Variants in PCMT1 observed in about 807,000 individuals in gnomAD.
The protein encoded by PCMT1 is protein-L-isoaspartate(D-aspartate) O-methyltransferase.
In PCMT1, 9 loss-of-function variants were observed where a neutral mutation model predicts 29.2. The ratio of observed to expected loss-of-function variants is 0.31; its 90% confidence interval spans 0.19 to 0.54. PCMT1 has a LOEUF of 0.54. Ranked by LOEUF, PCMT1 falls within the 20% of genes least tolerant of loss-of-function variation. The pLI, the probability that PCMT1 is intolerant of heterozygous loss-of-function variation, is 0.95. For synonymous variants in PCMT1, 98 were observed against 97.5 expected, an observed-to-expected ratio of 1.00 and a Z score of -0.03; for missense variants, 184 against 282.2, an observed-to-expected ratio of 0.65 and a Z score of 2.49.
At chr6:149,754,108 T>G (rs995552586) in intron 1 of PCMT1, among the ~76,000 whole-genome samples, 28 of 152,358 alleles carry the variant, frequency 1.8e-4, no homozygotes, top group Admixed American at 1.6e-3. Flanking sequence ...AGTCTTGCCC[T>G]ATAGAGTGCT....
Position 149,802,321 on chromosome 6 carries a change from T to A in PCMT1, c.626T>A (p.Met209Lys). 1 of 1,613,684 alleles carries A rather than the reference T, an allele frequency of 6.2e-7. No individual in the cohort carries two copies. Among genetic ancestry groups the A allele is most frequent in the Non-Finnish European group, 8.5e-7 (1 of 1,179,736 alleles). ...GGCAGCATCAAAATGAAGCCTCTGA[T>A]GGGGGTGATATACGTGCCTTTAACA... ...QDGSIKMKPL[M>K]GVIYVPLTDK... Residue 209 changes from methionine to lysine, a missense_variant, in exon 7 of 8, where the codon ATG becomes AAG. Transcript: ENST00000464889.
At position 149,758,983 on chromosome 6, in the gene PCMT1, TCTC is replaced by T. The variant is rs72001648; in HGVS notation, c.55+9030_55+9032del. On this transcript the variant is annotated intron_variant, in intron 1 of 7. Coordinates refer to ENST00000464889, the MANE Select transcript of PCMT1 (RefSeq NM_001360452.2). Reference sequence around the variant, plus strand: ...CCTCCACCTTGTGGGTTCAAGTGATTCTCCTACCTCAGCCTCCCGAATAGCTGG... The same window carrying T: ...CCTCCACCTTGTGGGTTCAAGTGATTCTACCTCAGCCTCCCGAATAGCTGG... Among the ~76,000 whole-genome samples, 1,368 of 152,264 alleles carry T rather than the reference TCTC, an allele frequency of 9.0e-3. 21 individuals carry two copies. The highest frequency in any genetic ancestry group is 0.032 in the African/African-American group (1,315 of 41,544).
rs1209712068 is a variant in PCMT1 at position 149,809,258 on chromosome 6, CAAAAAAAAAA to C, written c.*38-1344_*38-1335del. Among the ~76,000 whole-genome samples, 20 of 47,092 alleles carry C rather than the reference CAAAAAAAAAA, an allele frequency of 4.2e-4. 1 individual carries two copies. Among genetic ancestry groups the C allele is most frequent in the Admixed American group, 2.0e-3 (6 of 3,058 alleles). The allele number at this position is 47,092 out of a possible 152,430, so 30.9% of individuals were successfully genotyped here. Reference sequence around the variant, plus strand: ...TAGGTGACAGAGCGAGACTCTGTCTCAAAAAAAAAAAAAAAAAAAAAAAGCCAAAACAAGA... The same window carrying C: ...TAGGTGACAGAGCGAGACTCTGTCTCAAAAAAAAAAAAAGCCAAAACAAGA... On this transcript the variant is annotated intron_variant, in intron 7 of 7. Coordinates refer to ENST00000464889, the MANE Select transcript of PCMT1 (RefSeq NM_001360452.2).
rs1321766312 is a variant in PCMT1, at chr6:149,803,077, A to ACC, written c.*37+661_*37+662insCC. ...CAAAAAAAAAAAAAAAAAAAAAAAA[A>ACC]AAAAACAAGGGGCCATCATTTCCTG... On this transcript the variant is annotated intron_variant, in intron 7 of 7. Coordinates refer to ENST00000464889, the MANE Select transcript of PCMT1 (RefSeq NM_001360452.2). Among the ~76,000 whole-genome samples the ACC allele has an allele frequency of 1.8e-4, 24 of 135,772 alleles. 1 individual carries two copies. In the East Asian group the frequency reaches 3.1e-3, roughly 17 times the overall value. 89.1% of individuals were successfully genotyped at this position (135,772 alleles called of 152,430 possible). A position where few individuals can be genotyped will look rare whatever the true frequency, so the allele number is the denominator to read the frequency against.
At chr6:149,788,317 G>A (rs1384883177) in intron 3 of PCMT1, among the ~76,000 whole-genome samples, 1 of 152,106 alleles carries the variant, frequency 6.6e-6, no homozygotes, top group Non-Finnish European at 1.5e-5. Flanking sequence ...CCAATTTATA[G>A]ACCTTATTCA....
rs540761402 is a variant in PCMT1 at position 149,805,409 on chromosome 6, T to C, written c.*37+2993T>C. Among the ~76,000 whole-genome samples the C allele has an allele frequency of 5.4e-3, 805 of 150,318 alleles. 5 individuals are homozygous for C. Among genetic ancestry groups the C allele is most frequent in the East Asian group, 0.018 (92 of 5,080 alleles). On this transcript the variant is annotated intron_variant, in intron 7 of 7. Coordinates refer to ENST00000464889, the MANE Select transcript of PCMT1 (RefSeq NM_001360452.2). The stretch of plus-strand genomic sequence containing the variant: ...GAGATCGAGACCATCCTGGGTAACA[T>C]GGCGAAACCCCGTCTCTCCTAAAAA...
upstream of PCMT1, chr6:149,749,716 G>C: frequency 6.5e-7 from 1 of 1,535,298 alleles, no homozygotes; most frequent in Non-Finnish European, 8.8e-7. Context: ...GAGCGCATGC[G>C]TGCCGCGGGG....
At chr6:149,769,179 T>G (rs1049498757) in intron 1 of PCMT1, among the ~76,000 whole-genome samples, 1 of 152,104 alleles carries the variant, frequency 6.6e-6, no homozygotes, top group African/African-American at 2.4e-5. Context: ...TTCCTACTTT[T>G]AGGCATTTTG....
chr6:149,810,544 C>T, intron 7 of PCMT1, 72 bp from the exon 8 acceptor site: 1 of 1,141,946 alleles, frequency 8.8e-7, no homozygotes, highest in South Asian at 1.4e-5. Flanking sequence ...ATAGTTGTGT[C>T]TAAACTATTA....
At position 149,809,300 on chromosome 6, in the gene PCMT1, A is replaced by G. The variant is rs149534368; in HGVS notation, c.*38-1316A>G. On this transcript the variant is annotated intron_variant, in intron 7 of 7. Coordinates refer to ENST00000464889, the MANE Select transcript of PCMT1 (RefSeq NM_001360452.2). ...AAAAAAAGCCAAAACAAGAAAAACA[A>G]TATCTTCAGTTCATATTCTAAAAAG... 4.9e-3 allele frequency among the ~76,000 whole-genome samples: 748 copies of G among 151,258 alleles called. 8 individuals are homozygous for G. Among genetic ancestry groups the G allele is most frequent in the African/African-American group, 0.017 (715 of 41,260 alleles).
chr6:149,756,227 A>G (rs1786498113), intron 1 of PCMT1, among the ~76,000 whole-genome samples: 2 of 152,160 alleles, frequency 1.3e-5, no homozygotes, highest in South Asian at 4.1e-4. Flanking sequence ...TGCAAGAATT[A>G]TGATTTGTAG....
Position 149,803,052 on chromosome 6 carries a change from CAAAAAAAAA to C in PCMT1, c.*37+658_*37+666del, listed in dbSNP as rs60853264. 3.8e-4 allele frequency among the ~76,000 whole-genome samples: 27 copies of C among 70,574 alleles called. 1 individual carries two copies. The East Asian group carries it at 4.8e-3, about 12-fold the overall frequency. 46.3% of individuals were successfully genotyped at this position (70,574 alleles called of 152,430 possible). A position where few individuals can be genotyped will look rare whatever the true frequency, so the allele number is the denominator to read the frequency against. ...TGGGAGACAGAGCAAGGCTCTGTCT[CAAAAAAAAA>C]AAAAAAAAAAAAAAAAAAAAACAAG... is the stretch of plus-strand genomic sequence containing the variant. On this transcript the variant is annotated intron_variant, in intron 7 of 7. Transcript: ENST00000464889.
At chr6:149,792,932 G>T (rs1433253457) in intron 4 of PCMT1, among the ~76,000 whole-genome samples, 1 of 152,152 alleles carries the variant, frequency 6.6e-6, no homozygotes, top group Non-Finnish European at 1.5e-5. Context: ...GGAGGCCAAG[G>T]CGGGCAGATC....
chr6:149,810,570 T>C (rs1177022297), intron 7 of PCMT1, 46 bp from the exon 8 acceptor site: 6 of 1,473,472 alleles, frequency 4.1e-6, no homozygotes, highest in Non-Finnish European at 5.6e-6. Context: ...CCAAATTGGG[T>C]AGTGTGTAAC....
At chr6:149,810,591 G>A (rs1004363283) in intron 7 of PCMT1, 25 bp from the exon 8 acceptor site, 4 of 1,541,540 alleles carry the variant, frequency 2.6e-6, no homozygotes, top group African/African-American at 1.4e-5. Flanking sequence ...TCCTACTAAT[G>A]TATTTCTCTC....
intron 7 of PCMT1, among the ~76,000 whole-genome samples, chr6:149,808,393 T>C (rs1218889298): frequency 6.6e-6 from 1 of 152,144 alleles, no homozygotes; most frequent in Non-Finnish European, 1.5e-5. Context: ...ACTTGAAAGT[T>C]ACATGGATTT....
chr6:149,810,589 A>G, intron 7 of PCMT1, 27 bp from the exon 8 acceptor site: 1 of 1,540,370 alleles, frequency 6.5e-7, no homozygotes, highest in Non-Finnish European at 8.8e-7. Context: ...ACTCCTACTA[A>G]TGTATTTCTC....
intron 7 of PCMT1, among the ~76,000 whole-genome samples, chr6:149,803,150 C>T (rs923126549): frequency 2.6e-5 from 4 of 151,036 alleles, no homozygotes; most frequent in Non-Finnish European, 4.4e-5. Context: ...AGATAACGGT[C>T]GTCTCAGTTT....
At chr6:149,778,754 G>A (rs1332927692) in intron 3 of PCMT1, among the ~76,000 whole-genome samples, 1 of 151,946 alleles carries the variant, frequency 6.6e-6, no homozygotes, top group East Asian at 1.9e-4. Flanking sequence ...GCCCAAGCTA[G>A]TTCTGAACCC....
Sources: allele counts gnomAD v4.1 joint callset (sites outside exome capture counted in the v4.1 genomes callset), GRCh38; gene constraint gnomAD v4.1.1; transcripts MANE v1.5; gene names NCBI Gene and HGNC (gene_info 2026-07-23, HGNC 2026-07-21).